Variants in ZSCAN25 observed in about 807,000 individuals in gnomAD.
The protein encoded by ZSCAN25 is zinc finger and SCAN domain-containing protein 25.
In ZSCAN25, 27 loss-of-function variants were observed where a neutral mutation model predicts 38.7. That is an observed-to-expected ratio of 0.70 (90% CI 0.51 to 0.96). The LOEUF (loss-of-function observed/expected upper bound fraction) is 0.96. Among genes scored for constraint, ZSCAN25 ranks in the 40% least tolerant of loss-of-function variants. The pLI is 0.00. For missense variants in ZSCAN25, 637 were observed against 705.9 expected, an observed-to-expected ratio of 0.90 and a Z score of 1.11; for synonymous variants, 273 against 277.7, an observed-to-expected ratio of 0.98 and a Z score of 0.17.
chr7:99,713,822 C>T, the ZSCAN25 span, among the ~76,000 whole-genome samples: 1 of 152,198 alleles, frequency 6.6e-6, no homozygotes. Context: ...ATTCTTCTGT[C>T]TTCTTCATCA....
At position 99,620,003 on chromosome 7, in the gene ZSCAN25, G is replaced by T. The variant is rs752228075; in HGVS notation, c.387+10G>T. On this transcript the variant is annotated intron_variant, in intron 4 of 7. Coordinates refer to ENST00000394152, the MANE Select transcript of ZSCAN25 (RefSeq NM_145115.3). ...ACTGGAGGCCAAGGCGGTGGGTGAGGAGGGGATCCAGGTCTGGCGCCCTTG... is the reference window on the plus strand; with the variant it reads ...ACTGGAGGCCAAGGCGGTGGGTGAGTAGGGGATCCAGGTCTGGCGCCCTTG... The T allele has an allele frequency of 1.2e-6, 2 of 1,606,340 alleles. No homozygotes were observed. The highest frequency in any genetic ancestry group is 4.5e-5 in the East Asian group (2 of 44,816).
the ZSCAN25 span, among the ~76,000 whole-genome samples, chr7:99,693,416 A>G: frequency 6.6e-6 from 1 of 152,212 alleles, no homozygotes; most frequent in Non-Finnish European, 1.5e-5. Context: ...TGAGAGAACC[A>G]CTGCTCTCTT....
chr7:99,651,027 G>A, the ZSCAN25 span, among the ~76,000 whole-genome samples: 8 of 152,194 alleles, frequency 5.3e-5, no homozygotes, highest in Non-Finnish European at 1.0e-4. Flanking sequence ...GTTGTCATAT[G>A]TTTTTACAGG....
At chr7:99,648,587 C>A in the ZSCAN25 span, among the ~76,000 whole-genome samples, 1 of 152,034 alleles carries the variant, frequency 6.6e-6, no homozygotes, top group Non-Finnish European at 1.5e-5. Flanking sequence ...TAAAAGCACT[C>A]ACCATCCATC....
Position 99,619,798 on chromosome 7 carries a change from G to A in ZSCAN25, c.192G>A (p.Gln64=), listed in dbSNP as rs757559725. The A allele has an allele frequency of 6.2e-7, 1 of 1,614,244 alleles. No individual in the cohort carries two copies. Among genetic ancestry groups the A allele is most frequent in the South Asian group, 1.1e-5 (1 of 91,086 alleles). The part of the protein sequence containing the change: ...AGPQEALREL[Q]ELCRRWLRPE... ...CCCAGGAAGCTCTTAGGGAGCTCCA[G>A]GAGCTCTGTCGTCGGTGGCTGAGGC... Residue 64 remains glutamine (Q), a synonymous_variant, in exon 4 of 8, where the codon CAG becomes CAA. Coordinates refer to ENST00000394152, the MANE Select transcript of ZSCAN25 (RefSeq NM_145115.3).
chr7:99,735,341 A>G, the ZSCAN25 span: 68 of 545,352 alleles, frequency 1.2e-4, 1 homozygote, highest in South Asian at 1.3e-3. Flanking sequence ...CACACACACC[A>G]CTCACTGACC....
downstream of ZSCAN25, among the ~76,000 whole-genome samples, chr7:99,632,989 G>GTTGTTGTTTTTTTTTTTTTTTTTT (rs1554412109): frequency 1.4e-4 from 18 of 128,558 alleles, no homozygotes; most frequent in African/African-American, 5.4e-4. Context: ...ATTTTCTGTT[G>GTTGTTGTTTTTTTTTTTTTTTTTT]TTTTTTTTTT....
chr7:99,706,986 G>A, the ZSCAN25 span, among the ~76,000 whole-genome samples: 2 of 152,324 alleles, frequency 1.3e-5, no homozygotes, highest in South Asian at 4.1e-4. Flanking sequence ...GGCAAATTAT[G>A]AAATTATATG....
In ZSCAN25 at chr7:99,631,744, T is replaced by G; in HGVS notation, c.*1724T>G. 1 of 985,468 alleles carries G rather than the reference T, an allele frequency of 1.0e-6. No homozygotes were observed. The highest frequency in any genetic ancestry group is 1.7e-5 in the African/African-American group (1 of 57,370). 61.0% of individuals were successfully genotyped at this position (985,468 alleles called of 1,614,324 possible). On this transcript the variant is annotated 3_prime_UTR_variant, in exon 8 of 8. Transcript: ENST00000394152. ...CTTGTTAGGCAGCATGGTGTCTAATTTTGGCTTAGCAAATGACGCTCCTTG... is the reference window on the plus strand; with the variant it reads ...CTTGTTAGGCAGCATGGTGTCTAATGTTGGCTTAGCAAATGACGCTCCTTG...
intron 7 of ZSCAN25, 68 bp downstream of exon 7, chr7:99,624,248 G>A (rs547587255): frequency 1.2e-5 from 19 of 1,603,204 alleles, no homozygotes; most frequent in Admixed American, 1.7e-5. Flanking sequence ...GGGTCCTGCC[G>A]TAGCTCTGGC....
the ZSCAN25 span, among the ~76,000 whole-genome samples, chr7:99,691,239 A>C: frequency 9.9e-5 from 15 of 151,974 alleles, no homozygotes; most frequent in African/African-American, 3.6e-4. Flanking sequence ...TTGGAATTGA[A>C]CAATGAGAAC....
the ZSCAN25 span, among the ~76,000 whole-genome samples, chr7:99,720,048 CAAAT>C: frequency 1.3e-5 from 2 of 152,038 alleles, no homozygotes; most frequent in Non-Finnish European, 2.9e-5. Context: ...ACTACCCACA[CAAAT>C]GAGGGCACAT....
At chr7:99,688,522 C>T in the ZSCAN25 span, among the ~76,000 whole-genome samples, 6 of 152,306 alleles carry the variant, frequency 3.9e-5, no homozygotes, top group South Asian at 4.1e-4. Context: ...ATTCATAAAG[C>T]AAGTCCTTAG....
chr7:99,649,948 G>A, the ZSCAN25 span: 1 of 1,209,680 alleles, frequency 8.3e-7, no homozygotes, highest in Non-Finnish European at 1.2e-6. Flanking sequence ...GATCAAAGAT[G>A]GATCCAAGTA....
At chr7:99,661,157 C>T in the ZSCAN25 span, among the ~76,000 whole-genome samples, 1 of 152,148 alleles carries the variant, frequency 6.6e-6, no homozygotes, top group Non-Finnish European at 1.5e-5. Flanking sequence ...TTTGAGGGAA[C>T]TTAAAGGACC....
At chr7:99,656,763 G>A in the ZSCAN25 span, among the ~76,000 whole-genome samples, 3 of 152,154 alleles carry the variant, frequency 2.0e-5, no homozygotes, top group African/African-American at 7.2e-5. Context: ...TTCAGAACCT[G>A]TTATTGGTCT....
chr7:99,675,633 T>TCCCCA, the ZSCAN25 span, among the ~76,000 whole-genome samples: 85 of 5,010 alleles, frequency 0.017, 6 homozygotes, highest in African/African-American at 0.024. Context: ...TTTTCTCTCC[T>TCCCCA]CTCCTCTCCT....
the ZSCAN25 span, among the ~76,000 whole-genome samples, chr7:99,641,850 T>C: frequency 6.6e-6 from 1 of 152,208 alleles, no homozygotes; most frequent in Admixed American, 6.5e-5. Flanking sequence ...CCCTAGACTT[T>C]GTCAGCTGTC....
chr7:99,715,479 G>A, the ZSCAN25 span: 1 of 445,902 alleles, frequency 2.2e-6, no homozygotes, highest in South Asian at 2.2e-5. Flanking sequence ...TCTATGAAGT[G>A]TCCAGAATAG....
Sources: allele counts gnomAD v4.1 joint callset (sites outside exome capture counted in the v4.1 genomes callset), GRCh38; gene constraint gnomAD v4.1.1; transcripts MANE v1.5; gene names NCBI Gene and HGNC (gene_info 2026-07-23, HGNC 2026-07-21).